The following NF1 variants were observed in gnomAD, a reference collection of about 807,000 sequenced individuals.
The protein encoded by NF1 is neurofibromin 1.
Under a neutral mutation model 325.7 loss-of-function variants are expected in NF1, and 122 were observed. That is an observed-to-expected ratio of 0.37 (90% CI 0.32 to 0.44). The LOEUF (loss-of-function observed/expected upper bound fraction) is 0.44, where lower values mean the gene tolerates loss of function less well. NF1 is among the 20% of genes least tolerant of loss of function. The probability of loss-of-function intolerance (pLI) is 1.00; values close to 1 mark genes in which losing one functional copy is unlikely to be tolerated. For synonymous variants in NF1, 1,091 were observed against 1,186.0 expected, an observed-to-expected ratio of 0.92 and a Z score of 1.65; for missense variants, 2,140 against 3,415.4, an observed-to-expected ratio of 0.63 and a Z score of 9.31.
intron 54 of NF1, chr17:31,357,641 A>G: frequency 2.0e-6 from 1 of 500,866 alleles, no homozygotes; most frequent in Non-Finnish European, 3.6e-6. Flanking sequence ...CTTAGAAGCA[A>G]ACTATTAGAC....
At chr17:31,334,181 C>T (rs946518677) in intron 39 of NF1, among the ~76,000 whole-genome samples, 7 of 141,684 alleles carry the variant, frequency 4.9e-5, no homozygotes, top group African/African-American at 1.5e-4. Context: ...CCCAGCTACT[C>T]GGGAGGCTGA....
In NF1 at chr17:31,214,090, A is replaced by G. The variant is rs148947132; in HGVS notation, c.1393-361A>G. ...TTGTTAAATAAATTACCCAGTGTGT[A>G]TATTTGTGAGAACTATAGGCCAAAT... On this transcript the variant is annotated intron_variant, in intron 12 of 57. Coordinates refer to ENST00000358273, the MANE Select transcript of NF1 (RefSeq NM_001042492.3). 4.7e-4 allele frequency among the ~76,000 whole-genome samples: 71 copies of G among 152,282 alleles called. 3 individuals are homozygous for G. In the East Asian group the frequency reaches 0.014, roughly 29 times the overall value.
At position 31,335,048 on chromosome 17, in the gene NF1, A is replaced by G. The variant is rs748186225; in HGVS notation, c.6006+17A>G. On this transcript the variant is annotated intron_variant, in intron 40 of 57. Coordinates refer to ENST00000358273, the MANE Select transcript of NF1 (RefSeq NM_001042492.3). ...CTTGGGCAGGTATTGAGTTTGCTCAAATATTTATCTAGTATCTCCTTTGTG... is the reference window on the plus strand; with the variant it reads ...CTTGGGCAGGTATTGAGTTTGCTCAGATATTTATCTAGTATCTCCTTTGTG... The G allele has an allele frequency of 1.0e-5, 16 of 1,598,492 alleles. No individual in the cohort carries two copies. The East Asian group carries it at 1.1e-4, about 11-fold the overall frequency.
intron 36 of NF1, among the ~76,000 whole-genome samples, chr17:31,268,643 G>A (rs1179173322): frequency 6.8e-6 from 1 of 147,358 alleles, no homozygotes; most frequent in African/African-American, 2.5e-5. Flanking sequence ...AAAAAAAAAA[G>A]TGACCACTTG....
At chr17:31,311,419 A>G (rs772195741) in intron 36 of NF1, among the ~76,000 whole-genome samples, 1 of 152,238 alleles carries the variant, frequency 6.6e-6, no homozygotes. Context: ...AGCTGTATCA[A>G]TTACTTTGAT....
intron 27 of NF1, among the ~76,000 whole-genome samples, chr17:31,235,407 C>T (rs1221699992): frequency 6.6e-6 from 1 of 152,284 alleles, no homozygotes; most frequent in East Asian, 1.9e-4. Context: ...TTGGAATTAA[C>T]AGCTATCATA....
chr17:31,133,744 C>T (rs919275657), intron 1 of NF1: 1 of 152,238 alleles, frequency 6.6e-6, no homozygotes, highest in African/African-American at 2.4e-5. Flanking sequence ...GCAACCTCCG[C>T]CTCCCGGGTT....
chr17:31,242,102 G>T (rs1214489216), intron 29 of NF1, among the ~76,000 whole-genome samples: 2 of 151,738 alleles, frequency 1.3e-5, no homozygotes, highest in African/African-American at 4.8e-5. Flanking sequence ...GAAGTCTGGG[G>T]CCAGACATAT....
At chr17:31,202,874 A>T (rs543818123) in intron 11 of NF1, among the ~76,000 whole-genome samples, 2 of 152,352 alleles carry the variant, frequency 1.3e-5, no homozygotes, top group East Asian at 3.9e-4. Flanking sequence ...TTTCAAGGCC[A>T]TTAAAACAAA....
intron 6 of NF1, 26 bp from the exon 7 acceptor site, chr17:31,181,684 A>G (rs1419050844): frequency 2.6e-6 from 4 of 1,542,774 alleles, no homozygotes; most frequent in African/African-American, 2.7e-5. Context: ...AAATCACTGT[A>G]AAGACATGTG....
chr17:31,249,928 C>A (rs1319469076), intron 30 of NF1: 1 of 485,620 alleles, frequency 2.1e-6, no homozygotes, highest in East Asian at 4.9e-5. Flanking sequence ...TATCAAAACC[C>A]ATGTCTTTGT....
At chr17:31,243,230 G>A (rs953071036) in intron 29 of NF1, among the ~76,000 whole-genome samples, 5 of 148,440 alleles carry the variant, frequency 3.4e-5, no homozygotes, top group African/African-American at 1.0e-4. Context: ...GCCTGGAGCT[G>A]GGGGAGGGGC....
chr17:31,120,858 A>G (rs912765482), intron 1 of NF1, among the ~76,000 whole-genome samples: 1 of 152,198 alleles, frequency 6.6e-6, no homozygotes, highest in African/African-American at 2.4e-5. Flanking sequence ...TTAAGAATCC[A>G]GTGTAATTTG....
intron 8 of NF1, among the ~76,000 whole-genome samples, chr17:31,190,089 CAAA>C (rs766783457): frequency 1.0e-5 from 1 of 98,216 alleles, no homozygotes; most frequent in African/African-American, 4.7e-5. Flanking sequence ...AAATGTATTA[CAAA>C]AAAAAAAAAA....
intron 57 of NF1, among the ~76,000 whole-genome samples, chr17:31,368,569 A>T (rs1470206910): frequency 1.3e-5 from 2 of 152,202 alleles, no homozygotes; most frequent in Non-Finnish European, 2.9e-5. Context: ...AAGAAGATTT[A>T]TTCTATTTTG....
chr17:31,310,455 A>T (rs1215118736), intron 36 of NF1, among the ~76,000 whole-genome samples: 1 of 152,118 alleles, frequency 6.6e-6, no homozygotes, highest in African/African-American at 2.4e-5. Flanking sequence ...ATTGAAGTAG[A>T]TGAAAGAAGC....
At position 31,233,055 on chromosome 17, in the gene NF1, A is replaced by C. The variant is rs2151435398; in HGVS notation, c.3550A>C (p.Thr1184Pro). 6.2e-7 allele frequency: 1 copy of C among 1,614,254 alleles called. No individual in the cohort carries two copies. Among genetic ancestry groups the C allele is most frequent in the Non-Finnish European group, 8.5e-7 (1 of 1,180,046 alleles). Reference sequence around the variant, plus strand: ...AAGAGCTACATTTATGGAAGTTCTGACAAAAATCCTTCAACAAGGCACAGA... The same window carrying C: ...AAGAGCTACATTTATGGAAGTTCTGCCAAAAATCCTTCAACAAGGCACAGA... The part of the protein sequence containing the change: ...QTRATFMEVL[T>P]KILQQGTEFD... The change falls in exon 27 of 58, where the codon ACA becomes CCA. Residue 1184 changes from threonine (T) to proline (P), a missense_variant. Transcript: ENST00000358273.
chr17:31,321,347 A>G (rs1484714075), intron 36 of NF1: 1 of 152,186 alleles, frequency 6.6e-6, no homozygotes, highest in African/African-American at 2.4e-5. Context: ...TTTATGTAAC[A>G]GGACAGAAAA....
intron 57 of NF1, among the ~76,000 whole-genome samples, chr17:31,364,227 C>A (rs753897396): frequency 5.9e-5 from 9 of 152,176 alleles, no homozygotes; most frequent in African/African-American, 1.2e-4. Flanking sequence ...TCTGTCATTC[C>A]CCGATATGGA....
Sources: allele counts gnomAD v4.1 joint callset (sites outside exome capture counted in the v4.1 genomes callset), GRCh38; gene constraint gnomAD v4.1.1; transcripts MANE v1.5; gene names NCBI Gene and HGNC (gene_info 2026-07-23, HGNC 2026-07-21).